Variants in MYLK observed in about 807,000 individuals in gnomAD.
The protein encoded by MYLK is myosin light chain kinase.
In MYLK, 106 loss-of-function variants were observed where a neutral mutation model predicts 203.4. That is an observed-to-expected ratio of 0.52 (90% CI 0.45 to 0.61). The LOEUF (loss-of-function observed/expected upper bound fraction) is 0.61. MYLK is among the 20% of genes least tolerant of loss of function. The pLI, the probability that MYLK is intolerant of heterozygous loss-of-function variation, is 0.00. For missense variants in MYLK, 2,072 were observed against 2,442.3 expected, an observed-to-expected ratio of 0.85 and a Z score of 3.20; for synonymous variants, 867 against 959.5, an observed-to-expected ratio of 0.90 and a Z score of 1.78.
At chr3:123,666,160 C>T (rs768215824) in intron 22 of MYLK, 59 bp downstream of exon 22, 165 of 1,613,904 alleles carry the variant, frequency 1.0e-4, no homozygotes, top group Non-Finnish European at 1.2e-4. Context: ...CCCTTTCGGT[C>T]CAAAGGCTGT....
At chr3:123,768,193 A>G (rs1017644409) in intron 4 of MYLK, among the ~76,000 whole-genome samples, 2 of 152,268 alleles carry the variant, frequency 1.3e-5, no homozygotes, top group Admixed American at 1.3e-4. Context: ...GCATGAGAGC[A>G]GTGCTTATTC....
chr3:123,720,703 C>T (rs562564460), intron 13 of MYLK, among the ~76,000 whole-genome samples: 3 of 152,216 alleles, frequency 2.0e-5, no homozygotes, highest in Non-Finnish European at 1.5e-5. Context: ...TTCCCAGAGG[C>T]CAGAGCTGGG....
At chr3:123,731,918 G>A (rs2108781328) in intron 11 of MYLK, among the ~76,000 whole-genome samples, 1 of 151,290 alleles carries the variant, frequency 6.6e-6, no homozygotes, top group East Asian at 1.9e-4. Flanking sequence ...AGGATTGGCA[G>A]AAGATTATCA....
chr3:123,734,222 C>A lies in MYLK; in HGVS notation c.774G>T (p.Arg258Ser). ...LSIQGLDSANRSFVRETKATN... is the reference protein window; with the variant it reads ...LSIQGLDSANSSFVRETKATN... ...TGGCTTTTGTTTCTCTCACAAATGA[C>A]CTGTGTGGTGGTGAGGGTGGGGGTA... The change falls in exon 10 of 34, where the codon AGG becomes AGT. Residue 258 changes from arginine (R) to serine (S), a missense_variant and splice_region_variant. Around this residue, in one of 3 missense-constraint regions of MYLK, gnomAD observed 683 missense variants for 643.8 expected, o/e 1.06. Coordinates refer to ENST00000360304, the MANE Select transcript of MYLK (RefSeq NM_053025.4). 1 of 1,499,606 alleles carries A rather than the reference C, an allele frequency of 6.7e-7. No individual in the cohort carries two copies. Among genetic ancestry groups the A allele is most frequent in the East Asian group, 2.3e-5 (1 of 42,958 alleles). 92.9% of individuals were successfully genotyped at this position (1,499,606 alleles called of 1,614,324 possible).
Position 123,612,062 on chromosome 3 carries a change from C to T in MYLK, c.*2043G>A, listed in dbSNP as rs1400024690. 5 of 152,416 alleles carry T rather than the reference C, an allele frequency of 3.3e-5. No homozygotes were observed. Among genetic ancestry groups the T allele is most frequent in the African/African-American group, 1.2e-4 (5 of 41,434 alleles). 9.4% of individuals were successfully genotyped at this position (152,416 alleles called of 1,614,324 possible). A position where few individuals can be genotyped will look rare whatever the true frequency, so the allele number is the denominator to read the frequency against. Reference sequence around the variant, plus strand: ...GACACCTGCTCTATAAGATATCCTTCTAGAATGATTGATATAGTACTAAGC... The same window carrying T: ...GACACCTGCTCTATAAGATATCCTTTTAGAATGATTGATATAGTACTAAGC... On this transcript the variant is annotated 3_prime_UTR_variant, in exon 34 of 34. Coordinates refer to ENST00000360304, the MANE Select transcript of MYLK (RefSeq NM_053025.4).
intron 31 of MYLK, chr3:123,625,231 AG>A (rs2058077985): frequency 6.6e-6 from 1 of 152,252 alleles, no homozygotes; most frequent in Admixed American, 6.5e-5. Context: ...GGTTGCGACC[AG>A]GTCCGTTCTA....
In MYLK at chr3:123,700,664, G is replaced by C; in HGVS notation, c.2804C>G (p.Pro935Arg). 1 of 1,614,130 alleles carries C rather than the reference G, an allele frequency of 6.2e-7. No individual in the cohort carries two copies. The highest frequency in any genetic ancestry group is 8.5e-7 in the Non-Finnish European group (1 of 1,180,038). The change falls in exon 18 of 34, where the codon CCA becomes CGA. Residue 935 changes from proline to arginine, a missense_variant. This residue lies in a region of MYLK where 865 missense variants were observed against 1,016.0 expected (regional missense o/e 0.85). Transcript: ENST00000360304. Reference sequence around the variant, plus strand: ...CCTCTCTTCCTCAGACACAGTCTTTGGCTTCACTTGCCGCTGCAGGTTGGC... The same window carrying C: ...CCTCTCTTCCTCAGACACAGTCTTTCGCTTCACTTGCCGCTGCAGGTTGGC... ...FRANLQRQVKPKTVSEEERKV... is the reference protein window; with the variant it reads ...FRANLQRQVKRKTVSEEERKV...
chr3:123,670,014 G>A (rs1462005643), intron 20 of MYLK, among the ~76,000 whole-genome samples: 2 of 120,740 alleles, frequency 1.7e-5, no homozygotes, highest in Non-Finnish European at 3.1e-5. Flanking sequence ...CAGCCTGGGT[G>A]ACAGAGCGAG....
intron 11 of MYLK, among the ~76,000 whole-genome samples, chr3:123,726,451 T>C (rs1279622897): frequency 1.3e-5 from 2 of 152,182 alleles, no homozygotes; most frequent in Non-Finnish European, 2.9e-5. Context: ...TATTTTCTAG[T>C]GTCTCTTATC....
At chr3:123,834,977 G>A (rs2066439158) in intron 2 of MYLK, among the ~76,000 whole-genome samples, 1 of 152,200 alleles carries the variant, frequency 6.6e-6, no homozygotes, top group African/African-American at 2.4e-5. Context: ...CTGGGCAATG[G>A]TGCACTATAA....
chr3:123,673,464 A>G (rs1297529545), intron 20 of MYLK, among the ~76,000 whole-genome samples: 2 of 151,952 alleles, frequency 1.3e-5, no homozygotes, highest in African/African-American at 2.4e-5. Context: ...GCTCTCTGAA[A>G]CAAACAGATC....
At chr3:123,742,824 T>C (rs981405948) in intron 5 of MYLK, among the ~76,000 whole-genome samples, 3 of 152,174 alleles carry the variant, frequency 2.0e-5, no homozygotes, top group Non-Finnish European at 4.4e-5. Context: ...TGGTACAACA[T>C]GGATGGACAT....
chr3:123,733,209 G>T, intron 10 of MYLK, 107 bp from the exon 11 acceptor site: 1 of 1,261,262 alleles, frequency 7.9e-7, no homozygotes, highest in Non-Finnish European at 1.1e-6. Context: ...TCAGTTTGGT[G>T]TGGAGCTGCC....
At chr3:123,865,086 A>G (rs1277016862) in intron 2 of MYLK, among the ~76,000 whole-genome samples, 1 of 152,100 alleles carries the variant, frequency 6.6e-6, no homozygotes, top group Non-Finnish European at 1.5e-5. Context: ...CCCTACTCCA[A>G]TCTGGTTTGA....
chr3:123,833,869 G>C (rs1279690710), intron 2 of MYLK, among the ~76,000 whole-genome samples: 2 of 152,064 alleles, frequency 1.3e-5, no homozygotes, highest in African/African-American at 4.8e-5. Context: ...ATGAGGACAC[G>C]AAGCCACTTC....
intron 12 of MYLK, among the ~76,000 whole-genome samples, chr3:123,722,628 C>T (rs773242333): frequency 2.0e-5 from 3 of 152,176 alleles, no homozygotes; most frequent in Non-Finnish European, 4.4e-5. Flanking sequence ...TCCAAATCCA[C>T]ATCCTCAACT....
At chr3:123,883,431 C>T (rs971741682) in intron 1 of MYLK, among the ~76,000 whole-genome samples, 4 of 152,136 alleles carry the variant, frequency 2.6e-5, no homozygotes, top group Admixed American at 2.6e-4. Context: ...CCCCAACACA[C>T]ACACCCCAAT....
chr3:123,773,571 C>T (rs1334381919), intron 4 of MYLK, among the ~76,000 whole-genome samples: 1 of 152,160 alleles, frequency 6.6e-6, no homozygotes, highest in Non-Finnish European at 1.5e-5. Context: ...CAAGAAAATT[C>T]AGCTGAAATC....
At chr3:123,729,984 T>C (rs1200606811) in intron 11 of MYLK, among the ~76,000 whole-genome samples, 1 of 151,818 alleles carries the variant, frequency 6.6e-6, no homozygotes, top group Non-Finnish European at 1.5e-5. Context: ...CCCAGTGCTT[T>C]GGGAGGTTGA....
Sources: gnomAD v4.1 joint callset for allele counts (sites outside exome capture counted in the v4.1 genomes callset) on GRCh38, gnomAD v4.1.1 for gene constraint, gnomAD v4.1.1 regional missense constraint, MANE v1.5 for transcripts, NCBI Gene and HGNC (gene_info 2026-07-23, HGNC 2026-07-21) for gene names.